Variants in LCLAT1 observed in about 807,000 individuals in gnomAD.
The protein encoded by LCLAT1 is 1-AGP acyltransferase 8.
In LCLAT1, 11 loss-of-function variants were observed where a neutral mutation model predicts 30.7. The observed-to-expected ratio is 0.36, with a 90% confidence interval of 0.23 to 0.59. LCLAT1 has a LOEUF of 0.59. Among genes scored for constraint, LCLAT1 ranks in the 20% least tolerant of loss-of-function variants. The probability of loss-of-function intolerance (pLI) is 0.77; values close to 1 mark genes in which losing one functional copy is unlikely to be tolerated. For missense variants in LCLAT1, 402 were observed against 458.6 expected (o/e 0.88, Z 1.13); for synonymous variants, 155 against 151.3 (o/e 1.02, Z -0.18).
chr2:30,574,565 A>T (rs1050238477), intron 5 of LCLAT1, among the ~76,000 whole-genome samples: 2 of 152,206 alleles, frequency 1.3e-5, no homozygotes, highest in African/African-American at 4.8e-5. Context: ...AACACATTCC[A>T]TTACATGAGA....
chr2:30,604,938 G>A (rs1019920320), intron 5 of LCLAT1, among the ~76,000 whole-genome samples: 1 of 152,186 alleles, frequency 6.6e-6, no homozygotes, highest in Non-Finnish European at 1.5e-5. Flanking sequence ...CTGCCTCAAG[G>A]CATCTGTGTC....
chr2:30,633,922 C>T (rs776548774), intron 5 of LCLAT1, among the ~76,000 whole-genome samples: 2 of 152,140 alleles, frequency 1.3e-5, no homozygotes, highest in South Asian at 2.1e-4. Flanking sequence ...TTGTTTTAAA[C>T]GTACAGATGT....
At chr2:30,492,830 T>C (rs1163525228) in intron 1 of LCLAT1, among the ~76,000 whole-genome samples, 3 of 152,208 alleles carry the variant, frequency 2.0e-5, no homozygotes, top group Non-Finnish European at 4.4e-5. Context: ...AACTTGACAG[T>C]TGTTTATTTT....
intron 3 of LCLAT1, among the ~76,000 whole-genome samples, chr2:30,556,396 G>C (rs1178343282): frequency 6.6e-6 from 1 of 152,050 alleles, no homozygotes; most frequent in African/African-American, 2.4e-5. Flanking sequence ...AGAGAACAAA[G>C]GGAGGGAACA....
intron 5 of LCLAT1, among the ~76,000 whole-genome samples, chr2:30,587,898 G>A (rs1666513812): frequency 6.6e-6 from 1 of 152,092 alleles, no homozygotes; most frequent in African/African-American, 2.4e-5. Flanking sequence ...AATTCCAAAT[G>A]TCCCCAAGTC....
chr2:30,559,077 C>T (rs11901266), intron 3 of LCLAT1, among the ~76,000 whole-genome samples: 14,446 of 152,010 alleles, frequency 0.095, 729 homozygotes, highest in East Asian at 0.12. Flanking sequence ...ATCTCATAGA[C>T]GAAATATTGA....
intron 3 of LCLAT1, among the ~76,000 whole-genome samples, chr2:30,540,955 A>G (rs11686191): frequency 0.22 from 33,713 of 151,224 alleles, 3,819 homozygotes; most frequent in East Asian, 0.35. Flanking sequence ...GAGCCACCAC[A>G]CCCGGCCACA....
At chr2:30,533,645 G>A (rs1468249840) in intron 3 of LCLAT1, among the ~76,000 whole-genome samples, 2 of 152,156 alleles carry the variant, frequency 1.3e-5, no homozygotes, top group Admixed American at 1.3e-4. Flanking sequence ...AAACTGGTCT[G>A]TGCTGATAAA....
chr2:30,500,539 T>C (rs1684324628), intron 1 of LCLAT1, among the ~76,000 whole-genome samples: 1 of 152,216 alleles, frequency 6.6e-6, no homozygotes, highest in Admixed American at 6.5e-5. Flanking sequence ...CTTAACTCTT[T>C]CTAGTTACAA....
At chr2:30,577,275 G>A (rs892894207) in intron 5 of LCLAT1, among the ~76,000 whole-genome samples, 45 of 152,004 alleles carry the variant, frequency 3.0e-4, no homozygotes, top group Non-Finnish European at 5.3e-4. Context: ...AGTGTAAGAC[G>A]TTGAAAGAAT....
chr2:30,459,475 T>G (rs1681993214), intron 1 of LCLAT1: 1 of 701,118 alleles, frequency 1.4e-6, no homozygotes, highest in Non-Finnish European at 2.6e-6. Context: ...GTTTACTCCA[T>G]GAACCATCTG....
At chr2:30,463,202 T>C (rs1273534417) in intron 1 of LCLAT1, among the ~76,000 whole-genome samples, 4 of 152,054 alleles carry the variant, frequency 2.6e-5, no homozygotes, top group African/African-American at 9.7e-5. Flanking sequence ...TACTCAGAGA[T>C]AGTTGATAAC....
At chr2:30,493,663 C>A (rs1384801481) in intron 1 of LCLAT1, among the ~76,000 whole-genome samples, 1 of 152,172 alleles carries the variant, frequency 6.6e-6, no homozygotes, top group Non-Finnish European at 1.5e-5. Context: ...CTTGTGCTAT[C>A]CCTTTACTGC....
chr2:30,568,140 A>G lies in LCLAT1; in HGVS notation c.592A>G (p.Thr198Ala), dbSNP rs376432207. The part of the protein sequence containing the change: ...KYEYVLHPRT[T>A]GFTFVVDRLR... ...TGAATATGTTTTACATCCAAGAACT[A>G]CAGGCTTTACTTTTGTGGTAGACCG... Residue 198 changes from threonine to alanine, a missense_variant, in exon 5 of 6, where the codon ACA (threonine) becomes GCA (alanine). Thr to Ala is a moderately conservative substitution (Grantham distance 58). Transcript: ENST00000379509. 12 of 1,605,904 alleles carry G rather than the reference A, an allele frequency of 7.5e-6. No homozygotes were observed. Among genetic ancestry groups the G allele is most frequent in the Non-Finnish European group, 1.0e-5 (12 of 1,175,396 alleles).
intron 5 of LCLAT1, among the ~76,000 whole-genome samples, chr2:30,576,918 T>C (rs908124901): frequency 4.6e-5 from 7 of 151,906 alleles, no homozygotes; most frequent in African/African-American, 1.4e-4. Flanking sequence ...ACTCATTTGC[T>C]GGAGTATATG....
chr2:30,635,710 G>A (rs1174402271), intron 5 of LCLAT1, among the ~76,000 whole-genome samples: 1 of 152,122 alleles, frequency 6.6e-6, no homozygotes, highest in African/African-American at 2.4e-5. Context: ...CATGGAACAA[G>A]TCATAGAAAT....
At chr2:30,478,345 A>G (rs758702286) in intron 1 of LCLAT1, among the ~76,000 whole-genome samples, 7 of 152,126 alleles carry the variant, frequency 4.6e-5, no homozygotes, top group Non-Finnish European at 8.8e-5. Context: ...CTGAATTCCA[A>G]ACAGCTGATT....
intron 5 of LCLAT1, chr2:30,605,923 C>T (rs912695795): frequency 3.4e-5 from 29 of 844,766 alleles, no homozygotes; most frequent in South Asian, 1.4e-4. Flanking sequence ...TCATAAGGAG[C>T]GCGCAACCTA....
At chr2:30,629,043 T>G (rs1411394478) in intron 5 of LCLAT1, among the ~76,000 whole-genome samples, 1 of 152,034 alleles carries the variant, frequency 6.6e-6, no homozygotes, top group African/African-American at 2.4e-5. Context: ...GACAAACAAC[T>G]TATAGAAAAT....
Sources: allele counts gnomAD v4.1 joint callset (sites outside exome capture counted in the v4.1 genomes callset), GRCh38; gene constraint gnomAD v4.1.1; transcripts MANE v1.5; gene names NCBI Gene and HGNC (gene_info 2026-07-23, HGNC 2026-07-21).